Variants in PHF21B observed in about 807,000 individuals in gnomAD.
PHF21B encodes PHD finger protein 21B.
Under a neutral mutation model 62.2 loss-of-function variants are expected in PHF21B, and 22 were observed. The observed-to-expected ratio is 0.35, with a 90% CI of 0.25 to 0.51. The LOEUF (loss-of-function observed/expected upper bound fraction) is 0.51. Ranked by LOEUF, PHF21B falls within the 20% of genes least tolerant of loss-of-function variation. The pLI is 0.97. For synonymous variants in PHF21B, 341 were observed against 314.7 expected, an observed-to-expected ratio of 1.08 and a Z score of -0.88; for missense variants, 701 against 707.9, an observed-to-expected ratio of 0.99 and a Z score of 0.11.
At chr22:44,969,163 C>T (rs1365999744) in intron 2 of PHF21B, 2 of 152,268 alleles carry the variant, frequency 1.3e-5, no homozygotes, top group African/African-American at 2.4e-5. Context: ...TCCACGTGAT[C>T]CATGCTCGCC....
chr22:44,912,973 G>C (rs2071371028), intron 5 of PHF21B, among the ~76,000 whole-genome samples: 1 of 152,044 alleles, frequency 6.6e-6, no homozygotes, highest in African/African-American at 2.4e-5. Flanking sequence ...TGGAGGATGT[G>C]GGGCTGGTGT....
intron 12 of PHF21B, among the ~76,000 whole-genome samples, chr22:44,884,134 TTATCACCACCAC>T (rs1569204011): frequency 1.6e-5 from 1 of 63,494 alleles, no homozygotes; most frequent in Non-Finnish European, 4.6e-5. Context: ...ATGATCACCA[TTATCACCACCAC>T]CACCATCACT....
chr22:44,998,743 G>A (rs1472094916), intron 2 of PHF21B, among the ~76,000 whole-genome samples: 1 of 152,130 alleles, frequency 6.6e-6, no homozygotes, highest in Non-Finnish European at 1.5e-5. Context: ...ATGTCTTTGG[G>A]GTCCTGCTGG....
chr22:44,889,894 T>C (rs1253030428), intron 8 of PHF21B, 112 bp from the exon 9 acceptor site: 21 of 1,182,456 alleles, frequency 1.8e-5, no homozygotes, highest in South Asian at 2.0e-5. Flanking sequence ...CAGGGCATGA[T>C]GGGAGCATCA....
chr22:44,913,887 A>T lies in PHF21B; in HGVS notation c.766T>A (p.Ser256Thr). The change falls in exon 5 of 13, where the codon TCT (serine) becomes ACT (threonine). Residue 256 changes from serine to threonine, a missense_variant. Coordinates refer to ENST00000313237, the MANE Select transcript of PHF21B (RefSeq NM_138415.5). ...TTTTTGGTGGCCTGAGCTCCCTGAG[A>T]TGGCTCCTCTGTGGGCGGCCGCGAC... ...AESRPPTEEPSQGAQATKKKK... is the reference protein window; with the variant it reads ...AESRPPTEEPTQGAQATKKKK... 1.2e-6 allele frequency: 2 copies of T among 1,613,024 alleles called. No individual in the cohort carries two copies.
chr22:44,889,822 G>A (rs201723227), intron 8 of PHF21B, 40 bp from the exon 9 acceptor site: 828 of 1,538,384 alleles, frequency 5.4e-4, no homozygotes, highest in Non-Finnish European at 6.7e-4. Flanking sequence ...GTTAGTGGCC[G>A]TCAGAGGAGC....
intron 2 of PHF21B, among the ~76,000 whole-genome samples, chr22:45,007,300 G>A (rs1254031034): frequency 6.6e-6 from 1 of 151,922 alleles, no homozygotes; most frequent in Non-Finnish European, 1.5e-5. Flanking sequence ...CGAACGCCCG[G>A]CCTCCGAATT....
intron 2 of PHF21B, among the ~76,000 whole-genome samples, chr22:44,929,876 G>C (rs919920839): frequency 2.0e-5 from 3 of 152,194 alleles, no homozygotes; most frequent in Non-Finnish European, 4.4e-5. Flanking sequence ...CTGGAGGGAG[G>C]GGAGGCGACA....
At chr22:44,894,259 G>C (rs1171337499) in intron 6 of PHF21B, among the ~76,000 whole-genome samples, 1 of 152,214 alleles carries the variant, frequency 6.6e-6, no homozygotes, top group Non-Finnish European at 1.5e-5. Flanking sequence ...GCAGAGGTTG[G>C]GGAGAGGTTT....
chr22:44,930,166 G>T (rs2071712079), intron 2 of PHF21B, among the ~76,000 whole-genome samples: 1 of 152,230 alleles, frequency 6.6e-6, no homozygotes, highest in Non-Finnish European at 1.5e-5. Context: ...AGCCAGCACT[G>T]GGGCGGGTGT....
chr22:45,002,630 GC>G (rs2073240445), intron 2 of PHF21B, among the ~76,000 whole-genome samples: 1 of 152,208 alleles, frequency 6.6e-6, no homozygotes, highest in African/African-American at 2.4e-5. Context: ...GGGAACCCAG[GC>G]ATCCTTCACA....
At chr22:44,954,672 C>T (rs1390235889) in intron 2 of PHF21B, among the ~76,000 whole-genome samples, 2 of 152,240 alleles carry the variant, frequency 1.3e-5, no homozygotes, top group African/African-American at 4.8e-5. Context: ...AGTAATTATT[C>T]ACATCACAAA....
chr22:44,980,068 CAAAAAAAAAAAAAAAA>C (rs71190605), intron 2 of PHF21B, among the ~76,000 whole-genome samples: 42 of 57,218 alleles, frequency 7.3e-4, no homozygotes, highest in African/African-American at 3.0e-3. Context: ...GACTTCGTCT[CAAAAAAAAAAAAAAAA>C]AAAAAAAAAA....
At chr22:44,893,311 C>T (rs1569210673) in intron 7 of PHF21B, 146 bp downstream of exon 7, 14 of 661,536 alleles carry the variant, frequency 2.1e-5, no homozygotes, top group South Asian at 7.8e-5. Flanking sequence ...AGATGATTTA[C>T]GGTCACCCCC....
intron 2 of PHF21B, among the ~76,000 whole-genome samples, chr22:44,981,821 G>A (rs1601674996): frequency 6.6e-6 from 1 of 152,194 alleles, no homozygotes; most frequent in East Asian, 1.9e-4. Flanking sequence ...TCAGAGTTCT[G>A]GAATGGAAAC....
At chr22:44,910,633 G>C (rs6007384) in intron 5 of PHF21B, among the ~76,000 whole-genome samples, 18,255 of 152,114 alleles carry the variant, frequency 0.12, 1,334 homozygotes, top group African/African-American at 0.22. Flanking sequence ...GATGTAACTT[G>C]CTCCTTCTTT....
chr22:44,898,133 C>G (rs1014819340), intron 5 of PHF21B, among the ~76,000 whole-genome samples: 1 of 152,168 alleles, frequency 6.6e-6, no homozygotes, highest in Non-Finnish European at 1.5e-5. Context: ...CAGGATCCCA[C>G]ATGATATTTA....
chr22:45,004,967 A>C (rs1010410420), intron 2 of PHF21B, among the ~76,000 whole-genome samples: 14 of 152,182 alleles, frequency 9.2e-5, no homozygotes, highest in African/African-American at 3.4e-4. Context: ...TTCAAACAGA[A>C]GGCTCTTCCC....
At chr22:44,906,924 C>T (rs1476728294) in intron 5 of PHF21B, among the ~76,000 whole-genome samples, 3 of 151,994 alleles carry the variant, frequency 2.0e-5, no homozygotes, top group East Asian at 3.9e-4. Flanking sequence ...CACAGTCAGC[C>T]GTGAGACTCA....
Sources: allele counts gnomAD v4.1 joint callset (sites outside exome capture counted in the v4.1 genomes callset), GRCh38; gene constraint gnomAD v4.1.1; transcripts MANE v1.5; gene names NCBI Gene and HGNC (gene_info 2026-07-23, HGNC 2026-07-21).